Variants in MTR observed in about 807,000 individuals in gnomAD.
MTR encodes the protein methionine synthase.
MTR carries 84 observed loss-of-function variants against 154.8 expected under a neutral mutation model. The observed-to-expected ratio is 0.54, with a 90% CI of 0.45 to 0.65. The LOEUF is 0.65. MTR is among the 30% of genes least tolerant of loss of function. The pLI, the probability that MTR is intolerant of heterozygous loss-of-function variation, is 0.00. For synonymous variants in MTR, 554 were observed against 553.9 expected (o/e 1.00, Z 0.00); for missense variants, 1,275 against 1,570.2 (o/e 0.81, Z 3.18).
At chr1:236,850,954 T>A (rs1663865285) in intron 16 of MTR, among the ~76,000 whole-genome samples, 1 of 152,236 alleles carries the variant, frequency 6.6e-6, no homozygotes, top group Non-Finnish European at 1.5e-5. Flanking sequence ...TGTCTCTCCT[T>A]TTCCAGTTAC....
intron 1 of MTR, among the ~76,000 whole-genome samples, chr1:236,796,042 T>C (rs1422699929): frequency 1.3e-5 from 2 of 151,212 alleles, no homozygotes; most frequent in East Asian, 3.9e-4. Context: ...CCACGCAGCA[T>C]AAACCAGCTG....
chr1:236,874,950 G>A (rs1665348624), intron 24 of MTR, 104 bp downstream of exon 24: 9 of 1,289,678 alleles, frequency 7.0e-6, no homozygotes, highest in Non-Finnish European at 8.8e-6. Flanking sequence ...CTTATGTTTA[G>A]TACATTGACT....
intron 16 of MTR, among the ~76,000 whole-genome samples, chr1:236,851,383 C>A (rs1384776332): frequency 6.6e-6 from 1 of 152,166 alleles, no homozygotes; most frequent in Non-Finnish European, 1.5e-5. Flanking sequence ...GTCTAGTGTT[C>A]TAAGCACAAG....
chr1:236,819,981 T>C (rs933017922), intron 8 of MTR: 5 of 1,142,666 alleles, frequency 4.4e-6, no homozygotes, highest in African/African-American at 1.5e-5. Flanking sequence ...CCAGGCAGCC[T>C]TCCGGGAGCC....
intron 8 of MTR, among the ~76,000 whole-genome samples, chr1:236,817,366 C>T (rs1281195981): frequency 6.6e-6 from 1 of 152,078 alleles, no homozygotes; most frequent in East Asian, 1.9e-4. Context: ...TAAGACTCAT[C>T]TCAAGAATCT....
intron 23 of MTR, 92 bp downstream of exon 23, chr1:236,873,932 C>A: frequency 8.2e-7 from 1 of 1,218,214 alleles, no homozygotes. Context: ...AATAGTGATG[C>A]CCCATGAGGG....
intron 18 of MTR, among the ~76,000 whole-genome samples, chr1:236,855,576 T>C (rs1664156261): frequency 2.0e-5 from 3 of 152,332 alleles, no homozygotes; most frequent in South Asian, 4.1e-4. Flanking sequence ...TGATTTGGCC[T>C]TGATCCCTTC....
At position 236,895,505 on chromosome 1, in the gene MTR, G is replaced by A. The variant is rs1410930022; in HGVS notation, c.3553G>A (p.Glu1185Lys). 1.3e-6 allele frequency: 2 copies of A among 1,593,526 alleles called. No homozygotes were observed. Among genetic ancestry groups the A allele is most frequent in the Non-Finnish European group, 8.6e-7 (1 of 1,169,238 alleles). The change falls in exon 31 of 33, where the codon GAG (glutamate) becomes AAG (lysine). Residue 1185 changes from glutamate to lysine, a missense_variant. Physicochemically the swap from Glu to Lys is moderately conservative, Grantham distance 56. Coordinates refer to ENST00000366577, the MANE Select transcript of MTR (RefSeq NM_000254.3). The stretch of plus-strand genomic sequence containing the variant: ...CTACCCCAGCCAGCCCGACCACACC[G>A]AGAAGCTCACCATGTGGAGACTCGC... ...PGYPSQPDHTEKLTMWRLADI... is the reference protein window; with the variant it reads ...PGYPSQPDHTKKLTMWRLADI...
intron 24 of MTR, 54 bp downstream of exon 24, chr1:236,874,900 G>T: frequency 6.3e-7 from 1 of 1,587,826 alleles, no homozygotes; most frequent in Non-Finnish European, 8.6e-7. Context: ...ATATGCCAGT[G>T]TTTGAAACAG....
chr1:236,887,974 G>A (rs1198071187), intron 27 of MTR, among the ~76,000 whole-genome samples: 1 of 152,220 alleles, frequency 6.6e-6, no homozygotes, highest in African/African-American at 2.4e-5. Flanking sequence ...GACTATAAAG[G>A]CTTTGTTACC....
intron 22 of MTR, among the ~76,000 whole-genome samples, chr1:236,867,895 G>A (rs1664908473): frequency 6.6e-6 from 1 of 152,198 alleles, no homozygotes; most frequent in Admixed American, 6.5e-5. Flanking sequence ...TTACGGCTGA[G>A]CAAGGCTGAG....
intron 12 of MTR, among the ~76,000 whole-genome samples, chr1:236,830,598 A>G (rs1004116133): frequency 2.0e-5 from 3 of 152,230 alleles, no homozygotes; most frequent in African/African-American, 7.2e-5. Context: ...CTTTGTATCA[A>G]GTACTTCACA....
intron 8 of MTR, 125 bp downstream of exon 8, chr1:236,816,668 C>A: frequency 1.2e-6 from 1 of 833,870 alleles, no homozygotes; most frequent in Non-Finnish European, 2.0e-6. Context: ...GCTATATTGA[C>A]TTTCCTTTAA....
chr1:236,820,189 C>T (rs1661846057), intron 8 of MTR: 14 of 761,202 alleles, frequency 1.8e-5, no homozygotes, highest in South Asian at 9.4e-5. Context: ...TCTGCACATG[C>T]GTGGCACCAT....
At chr1:236,795,836 C>A in intron 1 of MTR, 99 bp downstream of exon 1, 1 of 1,580,960 alleles carries the variant, frequency 6.3e-7, no homozygotes, top group African/African-American at 1.3e-5. Context: ...GCGGGAGACG[C>A]CCGGCGGTGT....
intron 24 of MTR, among the ~76,000 whole-genome samples, chr1:236,876,091 T>G (rs951715816): frequency 5.3e-5 from 8 of 152,222 alleles, no homozygotes; most frequent in African/African-American, 1.9e-4. Flanking sequence ...GGTCTACTGA[T>G]AAATGTTAAT....
At chr1:236,873,976 G>A in intron 23 of MTR, 136 bp downstream of exon 23, 1 of 840,154 alleles carries the variant, frequency 1.2e-6, no homozygotes, top group Non-Finnish European at 2.0e-6. Context: ...GCCAGCTCCT[G>A]CACCAGGTTG....
chr1:236,853,072 T>C lies in MTR; in HGVS notation c.1937T>C (p.Leu646Pro). 6.2e-7 allele frequency: 1 copy of C among 1,614,030 alleles called. No individual in the cohort carries two copies. Among genetic ancestry groups the C allele is most frequent in the Non-Finnish European group, 8.5e-7 (1 of 1,179,930 alleles). ...WNKDPEATEK[L>P]LRYAQTQGTG... Reference sequence around the variant, plus strand: ...AAAGACCCTGAGGCCACTGAGAAGCTCTTACGTTATGCCCAGGTAGAGAGA... The same window carrying C: ...AAAGACCCTGAGGCCACTGAGAAGCCCTTACGTTATGCCCAGGTAGAGAGA... Residue 646 changes from leucine to proline, a missense_variant, in exon 18 of 33, where the codon CTC becomes CCC. Leu to Pro is a moderately conservative substitution (Grantham distance 98). Transcript: ENST00000366577.
intron 1 of MTR, among the ~76,000 whole-genome samples, chr1:236,801,482 A>ACTCT (rs1271974909): frequency 6.6e-6 from 1 of 152,106 alleles, no homozygotes; most frequent in Non-Finnish European, 1.5e-5. Context: ...TATACTTGAG[A>ACTCT]CTCTGGACAG....
Sources: gnomAD v4.1 joint callset for allele counts (sites outside exome capture counted in the v4.1 genomes callset) on GRCh38, gnomAD v4.1.1 for gene constraint, MANE v1.5 for transcripts, NCBI Gene and HGNC (gene_info 2026-07-23, HGNC 2026-07-21) for gene names.